The following SV2B variants were observed in gnomAD, a reference collection of about 807,000 sequenced individuals.
SV2B encodes synaptic vesicle glycoprotein 2B, also known as solute carrier family 22 member B2.
In SV2B, 41 loss-of-function variants were observed where a neutral mutation model predicts 73.9. That is an observed-to-expected ratio of 0.56 (90% CI 0.43 to 0.72). The LOEUF (loss-of-function observed/expected upper bound fraction) is 0.72. Among genes scored for constraint, SV2B ranks in the 30% least tolerant of loss-of-function variants. The probability of loss-of-function intolerance (pLI) is 0.00; values close to 1 mark genes in which losing one functional copy is unlikely to be tolerated. For missense variants in SV2B, 764 were observed against 857.8 expected (o/e 0.89, Z 1.37); for synonymous variants, 314 against 314.2 (o/e 1.00, Z 0.01).
chr15:91,226,067 G>C lies in SV2B; in HGVS notation c.-197G>C. 1.7e-6 allele frequency: 1 copy of C among 598,898 alleles called. No individual in the cohort carries two copies. Among genetic ancestry groups the C allele is most frequent in the Non-Finnish European group, 2.9e-6 (1 of 346,452 alleles). 37.1% of individuals were successfully genotyped at this position (598,898 alleles called of 1,614,324 possible). A position where few individuals can be genotyped will look rare whatever the true frequency, so the allele number is the denominator to read the frequency against. On this transcript the variant is annotated 5_prime_UTR_variant, in exon 2 of 13. Coordinates refer to ENST00000394232, the MANE Select transcript of SV2B (RefSeq NM_001323032.3). ...GACATCGAGTGCAAAAGGATATTTA[G>C]GTTGTCTTTGCACAAATCTGGTTGA...
intron 1 of SV2B, among the ~76,000 whole-genome samples, chr15:91,180,966 G>A (rs1045690702): frequency 3.9e-5 from 6 of 152,138 alleles, no homozygotes; most frequent in African/African-American, 7.2e-5. Context: ...GAGGAGAGGC[G>A]CTCTGCTTTT....
rs184608002 is a variant in SV2B at position 91,241,338 on chromosome 15, C to T, written c.452-10481C>T. Among the ~76,000 whole-genome samples the T allele has an allele frequency of 2.0e-3, 305 of 152,290 alleles. No homozygotes were observed. Among genetic ancestry groups the T allele is most frequent in the Non-Finnish European group, 3.6e-3 (244 of 68,014 alleles). On this transcript the variant is annotated intron_variant, in intron 2 of 12. Coordinates refer to ENST00000394232, the MANE Select transcript of SV2B (RefSeq NM_001323032.3). This position sits in a 1 kb window ranked among gnomAD's most constrained non-coding sequence, Gnocchi z 4.8. The stretch of plus-strand genomic sequence containing the variant: ...CCCTGGTTGCATCCGACTTTTCCTC[C>T]ATCTGTCCCTAAACCCCGTTGCTGC...
At chr15:91,150,137 G>A (rs916280749) in intron 1 of SV2B, among the ~76,000 whole-genome samples, 5 of 152,118 alleles carry the variant, frequency 3.3e-5, no homozygotes, top group African/African-American at 9.7e-5. Flanking sequence ...CCAAGCAGCT[G>A]GGATCCAGGT....
In SV2B at chr15:91,132,937, C is replaced by A. The variant is rs534650215; in HGVS notation, c.-392+32574C>A. Among the ~76,000 whole-genome samples the A allele has an allele frequency of 6.6e-6, 1 of 152,160 alleles. No individual in the cohort carries two copies. The highest frequency in any genetic ancestry group is 2.4e-5 in the African/African-American group (1 of 41,434). The stretch of plus-strand genomic sequence containing the variant: ...GGCGCCATTTCACTTAAGGCCAGTG[C>A]ATAATAAGGGCTAAAAGACTAAAGA... On this transcript the variant is annotated intron_variant, in intron 1 of 12. Coordinates refer to ENST00000394232, the MANE Select transcript of SV2B (RefSeq NM_001323032.3). This position sits in a 1 kb window ranked among gnomAD's most constrained non-coding sequence, Gnocchi z 4.6.
At chr15:91,179,380 G>A (rs1373271292) in intron 1 of SV2B, among the ~76,000 whole-genome samples, 2 of 152,180 alleles carry the variant, frequency 1.3e-5, no homozygotes, top group African/African-American at 4.8e-5. Flanking sequence ...TTGATTTGGG[G>A]TGGAGAGTTC....
intron 2 of SV2B, among the ~76,000 whole-genome samples, chr15:91,233,623 G>C (rs1296928810): frequency 6.6e-6 from 1 of 152,172 alleles, no homozygotes; most frequent in Non-Finnish European, 1.5e-5. Flanking sequence ...TGGGAAGACT[G>C]ATGAAATTGG....
At chr15:91,169,737 A>G (rs967467217) in intron 1 of SV2B, among the ~76,000 whole-genome samples, 2 of 152,202 alleles carry the variant, frequency 1.3e-5, no homozygotes, top group African/African-American at 2.4e-5. Flanking sequence ...GAAATGAAAT[A>G]GGGTAATGGG....
rs1183836955 is a variant in SV2B at position 91,265,519 on chromosome 15, TA to T, written c.1009-1061del. 6.6e-6 allele frequency among the ~76,000 whole-genome samples: 1 copy of T among 152,228 alleles called. No individual in the cohort carries two copies. Among genetic ancestry groups the T allele is most frequent in the African/African-American group, 2.4e-5 (1 of 41,456 alleles). On this transcript the variant is annotated intron_variant, in intron 6 of 12. Transcript: ENST00000394232. The surrounding 1 kb of genome is among the most constrained non-coding windows in gnomAD (Gnocchi z 4.2). ...AAAACTGACATTTGAGAGGATATCT[TA>T]AGGCTTTGGGGTGTGGTTTTTAAGG...
rs1054052698 is a variant in SV2B, at chr15:91,253,272, C to G, written c.784+752C>G. 1.3e-5 allele frequency among the ~76,000 whole-genome samples: 2 copies of G among 152,154 alleles called. No homozygotes were observed. Among genetic ancestry groups the G allele is most frequent in the African/African-American group, 4.8e-5 (2 of 41,432 alleles). ...ATTCAAAATCATTTTTGGTAAATCA[C>G]TGATTATGAGTATAGGTTCAGCAGT... On this transcript the variant is annotated intron_variant, in intron 4 of 12. Transcript: ENST00000394232. This position sits in a 1 kb window ranked among gnomAD's most constrained non-coding sequence, Gnocchi z 5.0.
chr15:91,180,815 C>A (rs1435188796), intron 1 of SV2B, among the ~76,000 whole-genome samples: 1 of 152,122 alleles, frequency 6.6e-6, no homozygotes, highest in Non-Finnish European at 1.5e-5. Context: ...TCAAAGTTTT[C>A]AACTTCTTTG....
chr15:91,108,311 T>C (rs1003576855), intron 1 of SV2B, among the ~76,000 whole-genome samples: 2 of 152,216 alleles, frequency 1.3e-5, no homozygotes, highest in Non-Finnish European at 2.9e-5. Flanking sequence ...CTCCCTTCTC[T>C]GCAATAAGCC....
chr15:91,161,552 G>A (rs2007573), intron 1 of SV2B, among the ~76,000 whole-genome samples: 9,956 of 152,262 alleles, frequency 0.065, 430 homozygotes, highest in Non-Finnish European at 0.089. Flanking sequence ...ATTAGGCACT[G>A]TTCTAAGCTC....
chr15:91,145,999 G>A (rs1166327498), intron 1 of SV2B, among the ~76,000 whole-genome samples: 1 of 152,120 alleles, frequency 6.6e-6, no homozygotes, highest in African/African-American at 2.4e-5. Flanking sequence ...GGTGCCATTT[G>A]TCACCTTTTG....
rs1167291607 is a variant in SV2B, at chr15:91,130,795, G to A, written c.-392+30432G>A. Among the ~76,000 whole-genome samples, 1 of 152,180 alleles carries A rather than the reference G, an allele frequency of 6.6e-6. No individual in the cohort carries two copies. Among genetic ancestry groups the A allele is most frequent in the Non-Finnish European group, 1.5e-5 (1 of 68,038 alleles). On this transcript the variant is annotated intron_variant, in intron 1 of 12. Transcript: ENST00000394232. The surrounding 1 kb of genome is among the most constrained non-coding windows in gnomAD (Gnocchi z 5.6). Reference sequence around the variant, plus strand: ...AGACGTTCGGAGGTGAAAGCAAGGGGAGAATGTTGGCCAAGCTTGTAGGAA... The same window carrying A: ...AGACGTTCGGAGGTGAAAGCAAGGGAAGAATGTTGGCCAAGCTTGTAGGAA...
intron 1 of SV2B, among the ~76,000 whole-genome samples, chr15:91,210,286 C>T (rs73515588): frequency 0.049 from 7,445 of 151,828 alleles, 509 homozygotes; most frequent in African/African-American, 0.15. Flanking sequence ...TGTAGACTGA[C>T]AGTCTATGAG....
intron 1 of SV2B, among the ~76,000 whole-genome samples, chr15:91,173,565 C>T (rs1026132782): frequency 7.2e-5 from 11 of 152,172 alleles, no homozygotes; most frequent in Admixed American, 2.6e-4. Context: ...CCTGCCCTGT[C>T]CTCAGTCCTC....
At position 91,253,777 on chromosome 15, in the gene SV2B, TG is replaced by T. The variant is rs1340571288; in HGVS notation, c.784+1259del. Among the ~76,000 whole-genome samples the T allele has an allele frequency of 6.6e-6, 1 of 152,216 alleles. No homozygotes were observed. The highest frequency in any genetic ancestry group is 1.5e-5 in the Non-Finnish European group (1 of 68,038). ...CTCACCATTTCCGCTCACATTCCAGTGGCCCCCAATCTGTAACATGCCCACA... is the reference window on the plus strand; with the variant it reads ...CTCACCATTTCCGCTCACATTCCAGTGCCCCCAATCTGTAACATGCCCACA... On this transcript the variant is annotated intron_variant, in intron 4 of 12. Transcript: ENST00000394232. The surrounding 1 kb of genome is among the most constrained non-coding windows in gnomAD (Gnocchi z 5.0).
chr15:91,264,888 A>G (rs149500797), intron 6 of SV2B, among the ~76,000 whole-genome samples: 1 of 152,320 alleles, frequency 6.6e-6, no homozygotes, highest in African/African-American at 2.4e-5. Context: ...GCTCTGAGGC[A>G]TAACTTCTGC....
At chr15:91,259,659 C>T (rs536271246) in intron 5 of SV2B, among the ~76,000 whole-genome samples, 1 of 152,326 alleles carries the variant, frequency 6.6e-6, no homozygotes, top group Admixed American at 6.5e-5. Context: ...GAGACTCCTT[C>T]CTTGCCTCTT....
Sources: gnomAD v4.1 joint callset for allele counts (sites outside exome capture counted in the v4.1 genomes callset) on GRCh38, gnomAD v4.1.1 for gene constraint, Gnocchi (gnomAD v3.1) non-coding constraint, MANE v1.5 for transcripts, NCBI Gene and HGNC (gene_info 2026-07-23, HGNC 2026-07-21) for gene names.